PDS5B: variants seen among roughly 807,000 people sequenced by gnomAD.
PDS5B encodes the protein PDS5 cohesin associated factor B.
Under a neutral mutation model 184.1 loss-of-function variants are expected in PDS5B, and 51 were observed. That is an observed-to-expected ratio of 0.28 (90% CI 0.22 to 0.35). The LOEUF (loss-of-function observed/expected upper bound fraction) is 0.35, where lower values mean the gene tolerates loss of function less well. Ranked by LOEUF, PDS5B falls within the 10% of genes least tolerant of loss-of-function variation. PDS5B has a pLI of 1.00. For missense variants in PDS5B, 1,180 were observed against 1,723.3 expected (o/e 0.68, Z 5.58); for synonymous variants, 566 against 569.2 (o/e 0.99, Z 0.08).
Position 32,598,362 on chromosome 13 carries a change from C to T in PDS5B, c.-20+11769C>T, listed in dbSNP as rs554009065. Reference sequence around the variant, plus strand: ...TGCTGGGATTACAGGCGTGAGCCACCGCGCCTGGCCAGGATTTTTATTTTT... The same window carrying T: ...TGCTGGGATTACAGGCGTGAGCCACTGCGCCTGGCCAGGATTTTTATTTTT... On this transcript the variant is annotated intron_variant, in intron 1 of 34. Transcript: ENST00000315596. 1.2e-4 allele frequency among the ~76,000 whole-genome samples: 18 copies of T among 152,104 alleles called. 1 individual carries two copies. Among genetic ancestry groups the T allele is most frequent in the African/African-American group, 3.4e-4 (14 of 41,414 alleles).
chr13:32,675,950 A>G lies in PDS5B; in HGVS notation c.953A>G (p.Tyr318Cys). The stretch of plus-strand genomic sequence containing the variant: ...CAAAACAAGCCACTTTGGCAGTGCT[A>G]CTTGGGCAGGTATATGATTTTGGTT... ...ASQNKPLWQCYLGRFNDIHVP... is the reference protein window; with the variant it reads ...ASQNKPLWQCCLGRFNDIHVP... The change falls in exon 9 of 35, where the codon TAC becomes TGC. Residue 318 changes from tyrosine to cysteine, a missense_variant. Tyr to Cys is a radical substitution (Grantham distance 194). Transcript: ENST00000315596. 1 of 1,606,836 alleles carries G rather than the reference A, an allele frequency of 6.2e-7. No individual in the cohort carries two copies. Among genetic ancestry groups the G allele is most frequent in the Non-Finnish European group, 8.5e-7 (1 of 1,173,488 alleles).
chr13:32,701,103 T>C, intron 16 of PDS5B: 1 of 362,826 alleles, frequency 2.8e-6, no homozygotes, highest in Non-Finnish European at 5.0e-6. Context: ...TTCAATACAG[T>C]GTATTGACTA....
At chr13:32,647,530 T>C (rs1407763422) in intron 1 of PDS5B, among the ~76,000 whole-genome samples, 1 of 152,204 alleles carries the variant, frequency 6.6e-6, no homozygotes, top group Non-Finnish European at 1.5e-5. Context: ...AAGGCCTGCC[T>C]TGGCCTCCCA....
rs1172650370 is a variant in PDS5B, at chr13:32,775,236, T to G, written c.*184T>G. On this transcript the variant is annotated 3_prime_UTR_variant, in exon 35 of 35. Transcript: ENST00000315596. ...TCACATGCTTTAGCCATACACATGGTAACATTGACTATGGAGTCTTGTGAA... is the reference window on the plus strand; with the variant it reads ...TCACATGCTTTAGCCATACACATGGGAACATTGACTATGGAGTCTTGTGAA... 2.5e-5 allele frequency: 15 copies of G among 590,564 alleles called. No individual in the cohort carries two copies. The highest frequency in any genetic ancestry group is 4.5e-5 in the Non-Finnish European group (15 of 332,540). The allele number at this position is 590,564 out of a possible 1,614,324, so 36.6% of individuals were successfully genotyped here. A position where few individuals can be genotyped will look rare whatever the true frequency, so the allele number is the denominator to read the frequency against.
chr13:32,599,108 T>C (rs191913518), intron 1 of PDS5B, among the ~76,000 whole-genome samples: 79 of 151,992 alleles, frequency 5.2e-4, no homozygotes, highest in Non-Finnish European at 7.4e-4. Context: ...GATGTCATTT[T>C]ATTCTTCTCT....
intron 19 of PDS5B, among the ~76,000 whole-genome samples, chr13:32,727,115 C>T (rs78095889): frequency 4.6e-5 from 7 of 151,982 alleles, no homozygotes; most frequent in Non-Finnish European, 7.4e-5. Flanking sequence ...TGATAGTTTT[C>T]CTCTTCTATT....
At chr13:32,594,624 T>C (rs958660516) in intron 1 of PDS5B, among the ~76,000 whole-genome samples, 1 of 152,198 alleles carries the variant, frequency 6.6e-6, no homozygotes, top group Non-Finnish European at 1.5e-5. Flanking sequence ...AAGTCTTAGA[T>C]GATGGAAAGA....
At position 32,709,935 on chromosome 13, in the gene PDS5B, T is replaced by A. The variant is rs1952152914; in HGVS notation, c.1963-11T>A. ...AAGTTTTACAAATCATTTTTATGAT[T>A]CATTTTATAGGTACTCTCATTTACA... is the stretch of plus-strand genomic sequence containing the variant. On this transcript the variant is annotated splice_polypyrimidine_tract_variant and intron_variant, in intron 18 of 34. Coordinates refer to ENST00000315596, the MANE Select transcript of PDS5B (RefSeq NM_015032.4). 1.5e-6 allele frequency: 2 copies of A among 1,336,258 alleles called. No homozygotes were observed. The allele number at this position is 1,336,258 out of a possible 1,614,324, so 82.8% of individuals were successfully genotyped here.
intron 3 of PDS5B, 136 bp downstream of exon 3, chr13:32,652,143 A>ATTT: frequency 9.0e-6 from 5 of 556,538 alleles, no homozygotes; most frequent in Admixed American, 3.6e-5. Flanking sequence ...GCTAAACTTA[A>ATTT]TGTTTTTTTT....
intron 3 of PDS5B, among the ~76,000 whole-genome samples, chr13:32,655,000 C>T (rs1593347269): frequency 6.6e-6 from 1 of 151,978 alleles, no homozygotes; most frequent in African/African-American, 2.4e-5. Flanking sequence ...TGCATACATG[C>T]GTCTTTATGG....
intron 7 of PDS5B, among the ~76,000 whole-genome samples, chr13:32,669,678 A>G (rs910285017): frequency 2.0e-5 from 3 of 152,156 alleles, no homozygotes; most frequent in African/African-American, 4.8e-5. Context: ...AACTCCCCAA[A>G]CTTTCATATT....
intron 1 of PDS5B, among the ~76,000 whole-genome samples, chr13:32,632,840 A>G (rs187347976): frequency 5.1e-4 from 77 of 152,142 alleles, no homozygotes; most frequent in African/African-American, 1.8e-3. Context: ...GTGGTGGCTC[A>G]CATCTGCAAT....
At position 32,655,932 on chromosome 13, in the gene PDS5B, C is replaced by T. The variant is rs1281443725; in HGVS notation, c.313-2307C>T. Among the ~76,000 whole-genome samples, 3 of 152,062 alleles carry T rather than the reference C, an allele frequency of 2.0e-5. No homozygotes were observed. The East Asian group carries it at 5.8e-4, about 29-fold the overall frequency. ...ATGTCCAGAATGGTATTTCCTAGGTCATCTTCCAGGGATTTTATAGTTTTA... is the reference window on the plus strand; with the variant it reads ...ATGTCCAGAATGGTATTTCCTAGGTTATCTTCCAGGGATTTTATAGTTTTA... On this transcript the variant is annotated intron_variant, in intron 3 of 34. Transcript: ENST00000315596.
chr13:32,697,004 G>C (rs1192009227), intron 15 of PDS5B, 102 bp downstream of exon 15: 1 of 663,706 alleles, frequency 1.5e-6, no homozygotes, highest in Non-Finnish European at 2.5e-6. Flanking sequence ...TGATAATATA[G>C]GAATTTTAAA....
intron 6 of PDS5B, among the ~76,000 whole-genome samples, chr13:32,665,658 T>TAAAAAAA: frequency 6.8e-6 from 1 of 147,776 alleles, no homozygotes; most frequent in Non-Finnish European, 1.5e-5. Context: ...ATGAATTTCT[T>TAAAAAAA]AAGAAAGCTA....
At chr13:32,625,352 C>T (rs561815985) in intron 1 of PDS5B, among the ~76,000 whole-genome samples, 1 of 152,278 alleles carries the variant, frequency 6.6e-6, no homozygotes, top group East Asian at 1.9e-4. Flanking sequence ...GTTGGGACTA[C>T]AGGTATGCTC....
chr13:32,745,584 G>A (rs1269745215), intron 23 of PDS5B, among the ~76,000 whole-genome samples: 1 of 152,180 alleles, frequency 6.6e-6, no homozygotes. Context: ...ATATCTCACA[G>A]TTCTGGAGGC....
chr13:32,756,900 C>A (rs9596212), intron 26 of PDS5B, among the ~76,000 whole-genome samples: 58,906 of 151,678 alleles, frequency 0.39, 11,950 homozygotes, highest in Non-Finnish European at 0.45. Context: ...AGGCGGGTGG[C>A]TCACCTGAGG....
intron 13 of PDS5B, among the ~76,000 whole-genome samples, chr13:32,693,211 T>G (rs1593442036): frequency 6.6e-6 from 1 of 152,050 alleles, no homozygotes; most frequent in Admixed American, 6.6e-5. Context: ...ACTGTGCTTA[T>G]GAAAATTTAT....
Sources: allele counts gnomAD v4.1 joint callset (sites outside exome capture counted in the v4.1 genomes callset), GRCh38; gene constraint gnomAD v4.1.1; transcripts MANE v1.5; gene names NCBI Gene and HGNC (gene_info 2026-07-23, HGNC 2026-07-21).